RERE: variants seen among roughly 807,000 people sequenced by gnomAD.
RERE encodes arginine-glutamic acid dipeptide repeats protein.
RERE carries 40 observed loss-of-function variants against 146.1 expected under a neutral mutation model. The ratio of observed to expected loss-of-function variants is 0.27; its 90% CI spans 0.21 to 0.36. The LOEUF is 0.36. Ranked by LOEUF, RERE falls within the 10% of genes least tolerant of loss-of-function variation. The pLI, the probability that RERE is intolerant of heterozygous loss-of-function variation, is 1.00. For missense variants in RERE, 1,933 were observed against 2,138.7 expected, an observed-to-expected ratio of 0.90 and a Z score of 1.90; for synonymous variants, 1,003 against 866.0, an observed-to-expected ratio of 1.16 and a Z score of -2.78.
intron 1 of RERE, among the ~76,000 whole-genome samples, chr1:8,748,891 C>T (rs1353805065): frequency 6.6e-6 from 1 of 152,086 alleles, no homozygotes; most frequent in Non-Finnish European, 1.5e-5. Flanking sequence ...TCAGAACATA[C>T]ATATTTTAAA....
intron 7 of RERE, among the ~76,000 whole-genome samples, chr1:8,530,660 G>A (rs1249100548): frequency 6.6e-6 from 1 of 151,024 alleles, no homozygotes; most frequent in Non-Finnish European, 1.5e-5. Context: ...ATCTAGACAT[G>A]GAACTGAGTT....
rs1000760929 is a variant in RERE, at chr1:8,742,897, G to T, written c.-145+74263C>A. Among the ~76,000 whole-genome samples the T allele has an allele frequency of 4.7e-5, 7 of 149,298 alleles. No homozygotes were observed. The East Asian group carries it at 1.4e-3, about 29-fold the overall frequency. ...AAAAAAAAAAAAAAAGTATAATCTT[G>T]AAGATTTAAGCTTTTTTGTTGTTAT... On this transcript the variant is annotated intron_variant, in intron 1 of 22. Coordinates refer to ENST00000400908, the MANE Select transcript of RERE (RefSeq NM_001042681.2).
rs1641285025 is a variant in RERE at position 8,356,182 on chromosome 1, G to T, written c.4404C>A (p.Phe1468Leu). 1 of 1,521,318 alleles carries T rather than the reference G, an allele frequency of 6.6e-7. No homozygotes were observed. The highest frequency in any genetic ancestry group is 1.3e-5 in the South Asian group (1 of 77,476). The allele number at this position is 1,521,318 out of a possible 1,614,324, so 94.2% of individuals were successfully genotyped here. A position where few individuals can be genotyped will look rare whatever the true frequency, so the allele number is the denominator to read the frequency against. ...TGGGGAGAGTGCCAGGCGGGTAGGG[G>T]AAGCGAGCCAGGTGGGGACCGGCAG... is the stretch of plus-strand genomic sequence containing the variant. ...PLTAGPHLAR[F>L]PYPPGTLPNP... Residue 1468 changes from phenylalanine (F) to leucine (L), a missense_variant, in exon 21 of 23, where the codon TTC becomes TTA. This residue lies in a region of RERE where 133 missense variants were observed against 168.6 expected (regional missense o/e 0.79). Coordinates refer to ENST00000400908, the MANE Select transcript of RERE (RefSeq NM_001042681.2). This position sits in a 1 kb window ranked among gnomAD's most constrained non-coding sequence, Gnocchi z 5.2.
chr1:8,604,292 T>C (rs1646671341), intron 4 of RERE, among the ~76,000 whole-genome samples: 1 of 152,134 alleles, frequency 6.6e-6, no homozygotes, highest in South Asian at 2.1e-4. Context: ...GGGGGAAGGG[T>C]ATACTGCAGT....
intron 12 of RERE, among the ~76,000 whole-genome samples, chr1:8,385,991 A>AAAAAT (rs1642639147): frequency 3.3e-5 from 1 of 30,590 alleles, no homozygotes; most frequent in African/African-American, 1.2e-4. Context: ...AAAAAAAAAA[A>AAAAAT]AAATATATAT....
At chr1:8,458,198 G>C (rs1644478044) in intron 11 of RERE, among the ~76,000 whole-genome samples, 1 of 152,132 alleles carries the variant, frequency 6.6e-6, no homozygotes, top group Non-Finnish European at 1.5e-5. Context: ...CTGTCTATGG[G>C]AGAACAAATG....
At chr1:8,703,958 C>T (rs1458923852) in intron 1 of RERE, among the ~76,000 whole-genome samples, 2 of 152,186 alleles carry the variant, frequency 1.3e-5, no homozygotes, top group Non-Finnish European at 2.9e-5. Flanking sequence ...AATCCCTTTT[C>T]CACAAGTAAA....
intron 1 of RERE, among the ~76,000 whole-genome samples, chr1:8,685,292 C>A (rs1056249097): frequency 6.6e-6 from 1 of 152,146 alleles, no homozygotes; most frequent in Non-Finnish European, 1.5e-5. Context: ...TGCTAAATAA[C>A]GGTAAGTAAA....
At chr1:8,547,038 T>A (rs1225094039) in intron 6 of RERE, among the ~76,000 whole-genome samples, 1 of 149,190 alleles carries the variant, frequency 6.7e-6, no homozygotes, top group Non-Finnish European at 1.5e-5. Flanking sequence ...CACAGATTAA[T>A]TAATAAATCC....
At chr1:8,368,599 T>C (rs1238922880) in intron 12 of RERE, among the ~76,000 whole-genome samples, 1 of 152,012 alleles carries the variant, frequency 6.6e-6, no homozygotes, top group Non-Finnish European at 1.5e-5. Flanking sequence ...GCCTCTGCCA[T>C]GCCTTCAAGT....
rs116517579 is a variant in RERE, at chr1:8,666,592, G to A, written c.-144-10151C>T. 8.0e-3 allele frequency among the ~76,000 whole-genome samples: 1,218 copies of A among 152,314 alleles called. 13 individuals are homozygous for A. The highest frequency in any genetic ancestry group is 0.028 in the African/African-American group (1,164 of 41,548). On this transcript the variant is annotated intron_variant, in intron 1 of 22. Coordinates refer to ENST00000400908, the MANE Select transcript of RERE (RefSeq NM_001042681.2). ...ACGTAATGGCTTTTGCTCTGGAAAG[G>A]GAAATGTCACTCTAACACTTGTATT...
chr1:8,422,035 A>ATC (rs1643917381), intron 12 of RERE, among the ~76,000 whole-genome samples: 1 of 152,206 alleles, frequency 6.6e-6, no homozygotes. Flanking sequence ...ATGAGAATGA[A>ATC]TCCCTTCCCC....
chr1:8,388,855 G>A (rs1452951237), intron 12 of RERE, among the ~76,000 whole-genome samples: 1 of 152,182 alleles, frequency 6.6e-6, no homozygotes, highest in African/African-American at 2.4e-5. Flanking sequence ...TAGGTAAGGG[G>A]TTTAATGACT....
chr1:8,502,267 T>C (rs1645178575), intron 8 of RERE, among the ~76,000 whole-genome samples: 1 of 113,768 alleles, frequency 8.8e-6, no homozygotes, highest in African/African-American at 3.6e-5. Context: ...GGGGCGCCTC[T>C]GCCCGGCCGC....
At chr1:8,737,990 T>C (rs905711703) in intron 1 of RERE, among the ~76,000 whole-genome samples, 14 of 152,214 alleles carry the variant, frequency 9.2e-5, no homozygotes, top group African/African-American at 3.4e-4. Context: ...CACTGTGGAA[T>C]ATAAGGATGC....
At chr1:8,650,834 T>C (rs937573795) in intron 2 of RERE, among the ~76,000 whole-genome samples, 2 of 151,424 alleles carry the variant, frequency 1.3e-5, no homozygotes, top group African/African-American at 4.9e-5. Context: ...GAGGCGGAGG[T>C]TGCAGTGAGC....
At chr1:8,607,071 A>C (rs955856098) in intron 4 of RERE, among the ~76,000 whole-genome samples, 1 of 152,150 alleles carries the variant, frequency 6.6e-6, no homozygotes, top group Non-Finnish European at 1.5e-5. Flanking sequence ...TTTATAGAAG[A>C]TATTGCCGGC....
intron 4 of RERE, among the ~76,000 whole-genome samples, chr1:8,569,312 T>C (rs939464584): frequency 6.7e-6 from 1 of 149,488 alleles, no homozygotes; most frequent in East Asian, 2.0e-4. Flanking sequence ...TTTGTAATAA[T>C]ACTTTGGTTG....
chr1:8,391,702 T>C (rs1169105338), intron 12 of RERE, among the ~76,000 whole-genome samples: 3 of 152,238 alleles, frequency 2.0e-5, no homozygotes, highest in African/African-American at 7.2e-5. Flanking sequence ...TTTATAATTA[T>C]ATATCTAATT....
Sources: gnomAD v4.1 joint callset for allele counts (sites outside exome capture counted in the v4.1 genomes callset) on GRCh38, gnomAD v4.1.1 for gene constraint, gnomAD v4.1.1 regional missense constraint, Gnocchi (gnomAD v3.1) non-coding constraint, MANE v1.5 for transcripts, NCBI Gene and HGNC (gene_info 2026-07-23, HGNC 2026-07-21) for gene names.